MACF1: variants seen among roughly 807,000 people sequenced by gnomAD.
The protein encoded by MACF1 is microtubule-actin cross-linking factor 1.
Under a neutral mutation model 854.8 loss-of-function variants are expected in MACF1, and 193 were observed. The ratio of observed to expected loss-of-function variants is 0.23; its 90% CI spans 0.20 to 0.25. MACF1 has a LOEUF of 0.25. Ranked by LOEUF, MACF1 falls within the 10% of genes least tolerant of loss-of-function variation. MACF1 has a pLI of 1.00. For missense variants in MACF1, 7,722 were observed against 8,929.1 expected (o/e 0.86, Z 5.45); for synonymous variants, 3,185 against 3,226.7 (o/e 0.99, Z 0.44).
At chr1:39,297,399 C>T (rs925061584) in intron 20 of MACF1, among the ~76,000 whole-genome samples, 1 of 152,080 alleles carries the variant, frequency 6.6e-6, no homozygotes, top group Non-Finnish European at 1.5e-5. Flanking sequence ...GCTAACTTTT[C>T]GGTAGGGTAG....
At chr1:39,400,546 A>G (rs559879239) in intron 58 of MACF1, among the ~76,000 whole-genome samples, 13 of 151,726 alleles carry the variant, frequency 8.6e-5, no homozygotes, top group African/African-American at 2.9e-4. Flanking sequence ...CACTTTGTCA[A>G]TCAAGCCTGA....
At chr1:39,229,153 T>C (rs944416331) in intron 1 of MACF1, among the ~76,000 whole-genome samples, 2 of 152,254 alleles carry the variant, frequency 1.3e-5, no homozygotes, top group Admixed American at 6.5e-5. Flanking sequence ...TGTGAACTTA[T>C]GATTCTTTGT....
intron 14 of MACF1, among the ~76,000 whole-genome samples, chr1:39,286,345 G>A (rs890040943): frequency 2.0e-5 from 3 of 152,062 alleles, no homozygotes; most frequent in African/African-American, 7.2e-5. Context: ...GACCTGCAGG[G>A]TTGGGACACA....
At chr1:39,477,145 C>CATATAT (rs1344013999) in intron 97 of MACF1, among the ~76,000 whole-genome samples, 5 of 133,926 alleles carry the variant, frequency 3.7e-5, no homozygotes, top group African/African-American at 1.2e-4. Context: ...TACACACACA[C>CATATAT]ACACACACAG....
At chr1:39,319,374 C>T (rs946241777) in intron 30 of MACF1, among the ~76,000 whole-genome samples, 2 of 152,044 alleles carry the variant, frequency 1.3e-5, no homozygotes, top group Non-Finnish European at 2.9e-5. Flanking sequence ...CTTTGGGAGG[C>T]CGAGGCATGG....
chr1:39,186,212 CTCTGTG>C (rs1359621611), intron 2 of MACF1, among the ~76,000 whole-genome samples: 4 of 80,044 alleles, frequency 5.0e-5, no homozygotes, highest in African/African-American at 2.2e-4. Context: ...CTCTCTCTCT[CTCTGTG>C]TGTGTGTGTG....
In MACF1 at chr1:39,485,824, C is replaced by G. The variant is rs779170739; in HGVS notation, c.*30C>G. 6.5e-7 allele frequency: 1 copy of G among 1,543,940 alleles called. No individual in the cohort carries two copies. The highest frequency in any genetic ancestry group is 1.4e-5 in the African/African-American group (1 of 72,756). ...GTCTAAGCACCCCCAAGCCACTATCCACTTTGAATCCTGCTCCATACATTG... is the reference window on the plus strand; with the variant it reads ...GTCTAAGCACCCCCAAGCCACTATCGACTTTGAATCCTGCTCCATACATTG... On this transcript the variant is annotated 3_prime_UTR_variant, in exon 101 of 101. Transcript: ENST00000564288.
intron 49 of MACF1, among the ~76,000 whole-genome samples, chr1:39,365,597 AT>A (rs1478321129): frequency 6.6e-6 from 1 of 151,780 alleles, no homozygotes; most frequent in African/African-American, 2.4e-5. Flanking sequence ...AAAAGTCCAT[AT>A]TTTCCCCAGA....
At chr1:39,270,692 A>ACTT (rs1343393038) in intron 6 of MACF1, among the ~76,000 whole-genome samples, 1 of 152,120 alleles carries the variant, frequency 6.6e-6, no homozygotes, top group African/African-American at 2.4e-5. Flanking sequence ...AAACATTAGG[A>ACTT]CTTCAAAGTG....
At chr1:39,268,338 T>A (rs968149293) in intron 6 of MACF1, 1 of 516,584 alleles carries the variant, frequency 1.9e-6, no homozygotes, top group African/African-American at 2.1e-5. Context: ...GGTTTCTAGC[T>A]CCTTTTTGCT....
chr1:39,332,879 A>G lies in MACF1; in HGVS notation c.6291A>G (p.Val2097=). The change falls in exon 37 of 101, where the codon GTA becomes GTG. Residue 2097 remains valine (V), a synonymous_variant. Transcript: ENST00000564288. Reference sequence around the variant, plus strand: ...ATCCAAACATTGATGCTTTGAAGGTAATAAATAAAGTCAAATTAGAGGTAC... The same window carrying G: ...ATCCAAACATTGATGCTTTGAAGGTGATAAATAAAGTCAAATTAGAGGTAC... ...ERNPNIDALK[V]INKVKLEVQR... The G allele has an allele frequency of 6.2e-7, 1 of 1,614,184 alleles. No homozygotes were observed. The highest frequency in any genetic ancestry group is 8.5e-7 in the Non-Finnish European group (1 of 1,180,020).
At chr1:39,255,085 G>T (rs1374676427) in intron 5 of MACF1, among the ~76,000 whole-genome samples, 1 of 151,596 alleles carries the variant, frequency 6.6e-6, no homozygotes, top group African/African-American at 2.4e-5. Flanking sequence ...CTGAGACCTG[G>T]ACAGGTAAAT....
intron 72 of MACF1, 46 bp downstream of exon 72, chr1:39,439,546 A>T (rs1433461782): frequency 2.0e-6 from 3 of 1,467,756 alleles, no homozygotes. Context: ...TGTCCTCTAG[A>T]AAAAGCACTT....
intron 2 of MACF1, among the ~76,000 whole-genome samples, chr1:39,237,073 A>T (rs1429435200): frequency 6.6e-6 from 1 of 152,292 alleles, no homozygotes; most frequent in African/African-American, 2.4e-5. Context: ...GTCTAGCTTC[A>T]TTTCTAAGCA....
At chr1:39,161,272 C>T (rs981126586) in intron 2 of MACF1, among the ~76,000 whole-genome samples, 13 of 152,080 alleles carry the variant, frequency 8.5e-5, no homozygotes, top group African/African-American at 3.1e-4. Flanking sequence ...AGACCTGTGC[C>T]ATGACTGGGA....
At position 39,336,098 on chromosome 1, in the gene MACF1, A is replaced by G. The variant is rs745756492; in HGVS notation, c.9510A>G (p.Glu3170=). The G allele has an allele frequency of 1.2e-6, 2 of 1,614,016 alleles. No individual in the cohort carries two copies. Among genetic ancestry groups the G allele is most frequent in the South Asian group, 2.2e-5 (2 of 91,058 alleles). Reference sequence around the variant, plus strand: ...TTTCCTCATCTAATGAATGTAAAGAAAAGTCATACCAAGAAGTATCTTTTG... The same window carrying G: ...TTTCCTCATCTAATGAATGTAAAGAGAAGTCATACCAAGAAGTATCTTTTG... ...HQISSSNECK[E]KSYQEVSFDP... Residue 3170 remains glutamate, a synonymous_variant, in exon 37 of 101, where the codon GAA becomes GAG. Transcript: ENST00000564288.
intron 2 of MACF1, among the ~76,000 whole-genome samples, chr1:39,193,205 C>T (rs1426632857): frequency 1.3e-5 from 2 of 151,870 alleles, no homozygotes; most frequent in Admixed American, 6.6e-5. Context: ...TTCTTTTCTT[C>T]GTATCATTTT....
chr1:39,228,716 C>T (rs939797852), intron 1 of MACF1, among the ~76,000 whole-genome samples: 1 of 152,152 alleles, frequency 6.6e-6, no homozygotes, highest in Admixed American at 6.5e-5. Flanking sequence ...TGCAATGGCA[C>T]GATCTCAGCT....
At chr1:39,428,914 A>G (rs549911904) in intron 63 of MACF1, among the ~76,000 whole-genome samples, 2 of 152,246 alleles carry the variant, frequency 1.3e-5, no homozygotes, top group Admixed American at 1.3e-4. Context: ...CTTTCTGTTT[A>G]TTCCTTATTT....
Sources: gnomAD v4.1 joint callset for allele counts (sites outside exome capture counted in the v4.1 genomes callset) on GRCh38, gnomAD v4.1.1 for gene constraint, MANE v1.5 for transcripts, NCBI Gene and HGNC (gene_info 2026-07-23, HGNC 2026-07-21) for gene names.